The following SYNPO variants were observed in gnomAD, a reference collection of about 807,000 sequenced individuals.
The protein encoded by SYNPO is synaptopodin.
A neutral mutation model predicts 49.5 loss-of-function variants in SYNPO; 19 were observed. The ratio of observed to expected loss-of-function variants is 0.38; its 90% confidence interval spans 0.27 to 0.56. The LOEUF (loss-of-function observed/expected upper bound fraction) is 0.56. SYNPO is among the 20% of genes least tolerant of loss of function. The pLI is 0.68. For missense variants in SYNPO, 1,131 were observed against 1,248.3 expected (o/e 0.91, Z 1.42); for synonymous variants, 536 against 548.0 (o/e 0.98, Z 0.31).
chr5:150,634,300 A>G (rs1239792680), intron 2 of SYNPO, among the ~76,000 whole-genome samples: 2 of 152,208 alleles, frequency 1.3e-5, no homozygotes, highest in African/African-American at 4.8e-5. Context: ...AACTTGCCAG[A>G]GGCCTCACAT....
chr5:150,610,522 G>GAAGAAAC (rs1438424723), intron 1 of SYNPO, among the ~76,000 whole-genome samples: 1 of 152,192 alleles, frequency 6.6e-6, no homozygotes, highest in African/African-American at 2.4e-5. Context: ...TTATTGTGAG[G>GAAGAAAC]AAGAAACAAG....
In SYNPO at chr5:150,649,510, G is replaced by C; in HGVS notation, c.1235G>C (p.Gly412Ala). Reference sequence around the variant, plus strand: ...GAGAAGCGGCGGCAGAGGGACCAGGGGGAGGTAGGCGTGGAGGAGGAGCCC... The same window carrying C: ...GAGAAGCGGCGGCAGAGGGACCAGGCGGAGGTAGGCGTGGAGGAGGAGCCC... The part of the protein sequence containing the change: ...ADEKRRQRDQ[G>A]EVGVEEEPFA... The change falls in exon 2 of 3, where the codon GGG (glycine) becomes GCG (alanine). Residue 412 changes from glycine (G) to alanine (A), a missense_variant. By Grantham distance (60) the Gly-to-Ala change is moderately conservative. Coordinates refer to ENST00000307662, the MANE Select transcript of SYNPO (RefSeq NM_007286.6). 6.2e-7 allele frequency: 1 copy of C among 1,612,904 alleles called. No individual in the cohort carries two copies. Among genetic ancestry groups the C allele is most frequent in the Non-Finnish European group, 8.5e-7 (1 of 1,179,456 alleles).
upstream of SYNPO, among the ~76,000 whole-genome samples, chr5:150,639,436 A>AGTC (rs1757821128): frequency 6.6e-6 from 1 of 152,144 alleles, no homozygotes; most frequent in Non-Finnish European, 1.5e-5. Context: ...GTCTGAATGG[A>AGTC]TTGATGAGGG....
At chr5:150,621,545 A>T (rs1401375622) in intron 2 of SYNPO, among the ~76,000 whole-genome samples, 1 of 152,144 alleles carries the variant, frequency 6.6e-6, no homozygotes, top group Non-Finnish European at 1.5e-5. Context: ...TTATTAGCGG[A>T]TTAGGGCTTC....
intron 1 of SYNPO, among the ~76,000 whole-genome samples, chr5:150,613,866 C>T (rs1470787047): frequency 6.6e-6 from 1 of 152,188 alleles, no homozygotes; most frequent in Non-Finnish European, 1.5e-5. Context: ...CTACTTAAGC[C>T]CTAATGCTCA....
chr5:150,594,898 G>T, the SYNPO span, among the ~76,000 whole-genome samples: 1 of 152,174 alleles, frequency 6.6e-6, no homozygotes, highest in Non-Finnish European at 1.5e-5. Context: ...AGTTTGCAAG[G>T]GGCTTCAGTG....
intron 2 of SYNPO, chr5:150,650,567 G>A: frequency 2.7e-6 from 4 of 1,459,190 alleles, no homozygotes; most frequent in Non-Finnish European, 3.6e-6. Flanking sequence ...TCTGAGCGGG[G>A]AGGAGGGTCA....
chr5:150,650,717 G>A (rs1459224140), intron 2 of SYNPO: 7 of 1,355,498 alleles, frequency 5.2e-6, no homozygotes, highest in Non-Finnish European at 6.6e-6. Flanking sequence ...GACTTCTGGA[G>A]CAGACAGAGC....
intron 1 of SYNPO, among the ~76,000 whole-genome samples, chr5:150,647,052 G>A (rs942666136): frequency 1.3e-5 from 2 of 152,094 alleles, no homozygotes; most frequent in African/African-American, 2.4e-5. Flanking sequence ...AGACCAGCCT[G>A]GCCTACATGG....
At chr5:150,602,825 G>C (rs932258596) in intron 1 of SYNPO, among the ~76,000 whole-genome samples, 1 of 152,112 alleles carries the variant, frequency 6.6e-6, no homozygotes, top group Non-Finnish European at 1.5e-5. Flanking sequence ...ACAGACATGA[G>C]CCACCACGTG....
intron 2 of SYNPO, among the ~76,000 whole-genome samples, chr5:150,654,576 G>A (rs746458227): frequency 4.5e-4 from 68 of 152,300 alleles, no homozygotes; most frequent in Admixed American, 3.6e-3. Context: ...GCTCTGCATC[G>A]CTGACCAGTG....
chr5:150,615,425 C>T (rs931907115), intron 1 of SYNPO: 1 of 152,262 alleles, frequency 6.6e-6, no homozygotes, highest in Non-Finnish European at 1.5e-5. Flanking sequence ...GGAGCCCTGC[C>T]CCCTCCCCAC....
At chr5:150,615,427 C>T (rs1249243416) in intron 1 of SYNPO, 1 of 152,288 alleles carries the variant, frequency 6.6e-6, no homozygotes, top group Non-Finnish European at 1.5e-5. Context: ...AGCCCTGCCC[C>T]CTCCCCACGC....
chr5:150,623,218 G>T (rs1488805105), intron 2 of SYNPO, among the ~76,000 whole-genome samples: 1 of 152,090 alleles, frequency 6.6e-6, no homozygotes, highest in Admixed American at 6.5e-5. Context: ...ATTTCCTTTT[G>T]CTACACACCT....
chr5:150,639,065 A>G (rs1757807447), upstream of SYNPO, among the ~76,000 whole-genome samples: 1 of 152,224 alleles, frequency 6.6e-6, no homozygotes, highest in South Asian at 2.1e-4. Context: ...AGTTTCTAAA[A>G]ATTGACTGAT....
At chr5:150,634,102 T>A (rs1010264086) in intron 2 of SYNPO, among the ~76,000 whole-genome samples, 1 of 152,224 alleles carries the variant, frequency 6.6e-6, no homozygotes, top group African/African-American at 2.4e-5. Context: ...AGTTATAAGA[T>A]CATGGACTCT....
At chr5:150,604,223 C>T (rs1756630189) in intron 1 of SYNPO, among the ~76,000 whole-genome samples, 1 of 152,256 alleles carries the variant, frequency 6.6e-6, no homozygotes, top group Non-Finnish European at 1.5e-5. Context: ...ATAGAGAGAT[C>T]TGCCTGACCA....
the SYNPO span, among the ~76,000 whole-genome samples, chr5:150,592,622 G>A: frequency 6.6e-6 from 1 of 152,248 alleles, no homozygotes; most frequent in Non-Finnish European, 1.5e-5. Flanking sequence ...TGGACCCATA[G>A]GCCAGCTAGT....
the SYNPO span, among the ~76,000 whole-genome samples, chr5:150,590,114 A>G: frequency 6.6e-6 from 1 of 152,110 alleles, no homozygotes; most frequent in Admixed American, 6.5e-5. Context: ...TGTCATCCTC[A>G]TGTTTCCTAT....
Sources: allele counts gnomAD v4.1 joint callset (sites outside exome capture counted in the v4.1 genomes callset), GRCh38; gene constraint gnomAD v4.1.1; transcripts MANE v1.5; gene names NCBI Gene and HGNC (gene_info 2026-07-23, HGNC 2026-07-21).